The following ALK variants were observed in gnomAD, a reference collection of about 807,000 sequenced individuals.
ALK encodes ALK receptor tyrosine kinase, also known as ALK tyrosine kinase receptor.
A neutral mutation model predicts 163.1 loss-of-function variants in ALK; 74 were observed. The observed-to-expected ratio is 0.45, with a 90% CI of 0.38 to 0.55. ALK has a LOEUF of 0.55. ALK is among the 20% of genes least tolerant of loss of function. ALK has a pLI of 0.00. For missense variants in ALK, 2,063 were observed against 2,105.3 expected, an observed-to-expected ratio of 0.98 and a Z score of 0.39; for synonymous variants, 960 against 843.2, an observed-to-expected ratio of 1.14 and a Z score of -2.40.
chr2:29,507,962 A>G (rs1442242903), intron 4 of ALK, among the ~76,000 whole-genome samples: 1 of 152,166 alleles, frequency 6.6e-6, no homozygotes, highest in African/African-American at 2.4e-5. Context: ...CACACCAATC[A>G]CTGTATGTTT....
intron 3 of ALK, among the ~76,000 whole-genome samples, chr2:29,584,247 A>G (rs185998011): frequency 6.6e-6 from 1 of 152,224 alleles, no homozygotes; most frequent in Admixed American, 6.5e-5. Flanking sequence ...ATTCCATGAT[A>G]GGAACCCTCC....
Position 29,335,037 on chromosome 2 carries a change from C to T in ALK, c.1283-6556G>A, listed in dbSNP as rs574431526. ...CCTGCGGTGTAGAGTATCCTGAGGC[C>T]CCGGCTGGCCACAGCCTGCAGAGCA... On this transcript the variant is annotated intron_variant, in intron 5 of 28. Transcript: ENST00000389048. Among the ~76,000 whole-genome samples, 4 of 152,244 alleles carry T rather than the reference C, an allele frequency of 2.6e-5. No individual in the cohort carries two copies. The South Asian group carries it at 8.3e-4, about 32-fold the overall frequency.
At chr2:29,287,856 G>C (rs1282399171) in intron 9 of ALK, among the ~76,000 whole-genome samples, 1 of 151,918 alleles carries the variant, frequency 6.6e-6, no homozygotes, top group Non-Finnish European at 1.5e-5. Context: ...CAGGTGGAAG[G>C]CCACCCACCA....
At chr2:29,701,278 A>G (rs569878303) in intron 2 of ALK, among the ~76,000 whole-genome samples, 51 of 152,264 alleles carry the variant, frequency 3.3e-4, no homozygotes, top group African/African-American at 1.2e-3. Context: ...AAATCCTACT[A>G]GTTTTCTAAA....
chr2:29,746,249 C>G (rs1435446508), intron 1 of ALK, among the ~76,000 whole-genome samples: 1 of 152,124 alleles, frequency 6.6e-6, no homozygotes, highest in Non-Finnish European at 1.5e-5. Context: ...CTATGGGTTT[C>G]TTTAAAGTTT....
At chr2:29,699,482 C>G (rs1215940120) in intron 2 of ALK, among the ~76,000 whole-genome samples, 1 of 152,218 alleles carries the variant, frequency 6.6e-6, no homozygotes, top group Non-Finnish European at 1.5e-5. Context: ...CTCTCTCCTG[C>G]AGCTTCAGAA....
intron 2 of ALK, among the ~76,000 whole-genome samples, chr2:29,710,917 G>T (rs527564148): frequency 1.3e-5 from 2 of 152,136 alleles, no homozygotes; most frequent in Non-Finnish European, 2.9e-5. Flanking sequence ...TGTCTTGAAG[G>T]CATTTCAAAT....
chr2:29,567,152 TAAGA>T (rs1203332836), intron 3 of ALK, among the ~76,000 whole-genome samples: 7 of 152,208 alleles, frequency 4.6e-5, no homozygotes, highest in Non-Finnish European at 7.3e-5. Flanking sequence ...GAGGGATCTT[TAAGA>T]AAAGCCAGCT....
intron 1 of ALK, among the ~76,000 whole-genome samples, chr2:29,806,250 A>G (rs137999100): frequency 1.3e-5 from 2 of 152,252 alleles, no homozygotes; most frequent in African/African-American, 2.4e-5. Flanking sequence ...GCGTGTGTGC[A>G]TTGGGTCTGT....
At chr2:29,202,096 G>A (rs1032322391) in intron 26 of ALK, among the ~76,000 whole-genome samples, 15 of 152,110 alleles carry the variant, frequency 9.9e-5, no homozygotes, top group Non-Finnish European at 1.9e-4. Flanking sequence ...TATTGGCCCT[G>A]GGCTCCCTTA....
At chr2:29,627,659 T>C (rs1676234866) in intron 3 of ALK, among the ~76,000 whole-genome samples, 1 of 152,204 alleles carries the variant, frequency 6.6e-6, no homozygotes, top group South Asian at 2.1e-4. Context: ...TCCCAGGACC[T>C]TCTTGAAGGG....
At chr2:29,721,807 C>CCT (rs1216030144) in intron 1 of ALK, among the ~76,000 whole-genome samples, 1 of 152,204 alleles carries the variant, frequency 6.6e-6, no homozygotes. Flanking sequence ...GAAAAAGCTT[C>CCT]TTTGACTGCC....
chr2:29,667,576 T>C (rs1196645440), intron 3 of ALK, among the ~76,000 whole-genome samples: 1 of 152,086 alleles, frequency 6.6e-6, no homozygotes, highest in Non-Finnish European at 1.5e-5. Flanking sequence ...CAGGTTTTTC[T>C]AGGTGTAAGA....
In ALK at chr2:29,250,738, A is replaced by G. The variant is rs115034582; in HGVS notation, c.2204+367T>C. ...GATAAGAGCATCAGCTTTCAGGTGCATTGTGCTTCTGTTTCCCAAACATTT... is the reference window on the plus strand; with the variant it reads ...GATAAGAGCATCAGCTTTCAGGTGCGTTGTGCTTCTGTTTCCCAAACATTT... On this transcript the variant is annotated intron_variant, in intron 12 of 28. Transcript: ENST00000389048. Among the ~76,000 whole-genome samples the G allele has an allele frequency of 2.7e-3, 412 of 152,330 alleles. 1 individual carries two copies. The highest frequency in any genetic ancestry group is 9.5e-3 in the African/African-American group (394 of 41,578).
chr2:29,670,358 T>C (rs1483637109), intron 3 of ALK, among the ~76,000 whole-genome samples: 1 of 152,058 alleles, frequency 6.6e-6, no homozygotes, highest in African/African-American at 2.4e-5. Flanking sequence ...CCTGGCCTAC[T>C]TAGAAGTCTG....
chr2:29,828,241 C>A (rs560350868), intron 1 of ALK, among the ~76,000 whole-genome samples: 86 of 152,300 alleles, frequency 5.6e-4, no homozygotes, highest in Non-Finnish European at 1.0e-3. Context: ...CAATACCATT[C>A]AGGACATAGG....
At chr2:29,359,965 C>T (rs951505286) in intron 5 of ALK, among the ~76,000 whole-genome samples, 1 of 152,226 alleles carries the variant, frequency 6.6e-6, no homozygotes, top group Non-Finnish European at 1.5e-5. Context: ...ATGACGTTTC[C>T]ACAGTCTGAA....
intron 1 of ALK, among the ~76,000 whole-genome samples, chr2:29,828,804 C>A (rs1320751790): frequency 6.6e-6 from 1 of 152,000 alleles, no homozygotes; most frequent in East Asian, 1.9e-4. Flanking sequence ...ACCCAGCCAT[C>A]CCATTACTGG....
At chr2:29,543,304 T>C (rs1389521372) in intron 3 of ALK, among the ~76,000 whole-genome samples, 2 of 152,232 alleles carry the variant, frequency 1.3e-5, no homozygotes, top group South Asian at 2.1e-4. Flanking sequence ...TGAGTGATCA[T>C]TGATCAGTCC....
Sources: allele counts gnomAD v4.1 joint callset (sites outside exome capture counted in the v4.1 genomes callset), GRCh38; gene constraint gnomAD v4.1.1; transcripts MANE v1.5; gene names NCBI Gene and HGNC (gene_info 2026-07-23, HGNC 2026-07-21).